Variants in POM121C observed in about 807,000 individuals in gnomAD.
The protein encoded by POM121C is nuclear envelope pore membrane protein POM 121C.
A neutral mutation model predicts 66.4 loss-of-function variants in POM121C; 20 were observed. That is an observed-to-expected ratio of 0.30 (90% CI 0.21 to 0.44). The LOEUF is 0.44. Among genes scored for constraint, POM121C ranks in the 20% least tolerant of loss-of-function variants. The probability of loss-of-function intolerance (pLI) is 1.00; values close to 1 mark genes in which losing one functional copy is unlikely to be tolerated. For synonymous variants in POM121C, 286 were observed against 528.0 expected, an observed-to-expected ratio of 0.54 and a Z score of 6.28; for missense variants, 580 against 1,225.7, an observed-to-expected ratio of 0.47 and a Z score of 7.87.
intron 3 of POM121C, among the ~76,000 whole-genome samples, chr7:75,464,338 C>T (rs1381686983): frequency 6.6e-6 from 1 of 152,262 alleles, no homozygotes; most frequent in African/African-American, 2.4e-5. Context: ...TGGCTCATGC[C>T]TGTAATTCCA....
rs1554480929 is a variant in POM121C at position 75,486,167 on chromosome 7, C to T, written c.-761G>A. ...CGCGCGAACCCTGGGCCGCACAGCTCCCGCCCGCCTAGGTGCTGGTCCGGG... is the reference window on the plus strand; with the variant it reads ...CGCGCGAACCCTGGGCCGCACAGCTTCCGCCCGCCTAGGTGCTGGTCCGGG... On this transcript the variant is annotated 5_prime_UTR_variant, in exon 1 of 15. Transcript: ENST00000615331. 4 of 317,328 alleles carry T rather than the reference C, an allele frequency of 1.3e-5. No individual in the cohort carries two copies. The highest frequency in any genetic ancestry group is 2.4e-5 in the African/African-American group (1 of 42,320). The allele number at this position is 317,328 out of a possible 1,614,324, so 19.7% of individuals were successfully genotyped here.
chr7:75,457,555 C>T (rs1380760296), intron 3 of POM121C, among the ~76,000 whole-genome samples: 10 of 145,946 alleles, frequency 6.9e-5, no homozygotes, highest in African/African-American at 7.6e-5. Flanking sequence ...GGAACAAAGA[C>T]CTGTTGACCC....
At chr7:75,448,282 A>G (rs1554475123) in intron 3 of POM121C, among the ~76,000 whole-genome samples, 1 of 152,132 alleles carries the variant, frequency 6.6e-6, no homozygotes, top group Non-Finnish European at 1.5e-5. Flanking sequence ...CAACAAACAC[A>G]GTAAGAAATG....
rs1251271400 is a variant in POM121C at position 75,419,394 on chromosome 7, C to A, written c.2792G>T (p.Gly931Val). ...FGQNTPAPGV[G>V]TSGSSLSFGA... ...AAAGGAGAGGCTGCTGCCCGATGTG[C>A]CCACTCCAGGCGCAGGGGTGTTCTG... Residue 931 changes from glycine (G) to valine (V), a missense_variant, in exon 14 of 15, where the codon GGC (glycine) becomes GTC (valine). Transcript: ENST00000615331. The A allele has an allele frequency of 1.9e-6, 3 of 1,613,668 alleles. No homozygotes were observed. In the African/African-American group the frequency reaches 4.0e-5, roughly 22 times the overall value.
In POM121C at chr7:75,421,600, G is replaced by T. The variant is rs1789710682; in HGVS notation, c.2652C>A (p.Gly884=). Reference sequence around the variant, plus strand: ...TGGTGCCCAGGGCGTTCTGACCTAAGCCCCCTGTGAAGGGGGTGGAGGTGG... The same window carrying T: ...TGGTGCCCAGGGCGTTCTGACCTAATCCCCCTGTGAAGGGGGTGGAGGTGG... ...STATSTPFTG[G]LGQNALGTTG... Residue 884 remains glycine (G), a synonymous_variant, in exon 13 of 15, where the codon GGC becomes GGA. Coordinates refer to ENST00000615331, the MANE Select transcript of POM121C (RefSeq NM_001099415.3). 1 of 1,613,376 alleles carries T rather than the reference G, an allele frequency of 6.2e-7. No individual in the cohort carries two copies.
intron 3 of POM121C, among the ~76,000 whole-genome samples, chr7:75,443,495 A>G (rs1790737179): frequency 6.6e-6 from 1 of 151,868 alleles, no homozygotes; most frequent in Admixed American, 6.6e-5. Context: ...TTCCTCAGAC[A>G]TTCATTCATT....
intron 14 of POM121C, 83 bp downstream of exon 14, chr7:75,419,237 G>A: frequency 1.3e-6 from 2 of 1,502,190 alleles, no homozygotes; most frequent in South Asian, 1.3e-5. Flanking sequence ...TCTTCACGGG[G>A]CCTCAGAGGG....
chr7:75,449,496 C>T (rs1426245811), intron 3 of POM121C, among the ~76,000 whole-genome samples: 1 of 151,978 alleles, frequency 6.6e-6, no homozygotes, highest in Non-Finnish European at 1.5e-5. Flanking sequence ...TCCCGAGTAG[C>T]TGAGACTATA....
chr7:75,477,108 T>TACACACACACACAC (rs782006486), intron 1 of POM121C, among the ~76,000 whole-genome samples: 444 of 37,120 alleles, frequency 0.012, no homozygotes, highest in Non-Finnish European at 0.017. Flanking sequence ...AGTTTGCGTG[T>TACACACACACACAC]ATACACACAC....
intron 1 of POM121C, among the ~76,000 whole-genome samples, chr7:75,476,774 T>G (rs1554479423): frequency 6.6e-6 from 1 of 151,740 alleles, no homozygotes; most frequent in Non-Finnish European, 1.5e-5. Flanking sequence ...CCAAACAAAA[T>G]CCAGTACCAG....
intron 14 of POM121C, 109 bp downstream of exon 14, chr7:75,419,211 C>T (rs1351321369): frequency 6.9e-7 from 1 of 1,456,196 alleles, no homozygotes; most frequent in African/African-American, 1.4e-5. Flanking sequence ...AAATGTCTTT[C>T]CTGTGCTGAA....
intron 3 of POM121C, among the ~76,000 whole-genome samples, chr7:75,450,310 G>A (rs1209220108): frequency 6.6e-6 from 1 of 151,790 alleles, no homozygotes; most frequent in African/African-American, 2.4e-5. Flanking sequence ...GGAAAGCTGG[G>A]GAGAATTCCT....
Position 75,418,661 on chromosome 7 carries a change from G to A in POM121C, c.*135C>T, listed in dbSNP as rs376495903. The A allele has an allele frequency of 0.091, 125,182 of 1,371,852 alleles. 5,880 individuals are homozygous for A. Among genetic ancestry groups the A allele is most frequent in the Non-Finnish European group, 0.1 (105,167 of 1,042,764 alleles). The allele number at this position is 1,371,852 out of a possible 1,614,324, so 85.0% of individuals were successfully genotyped here. ...GGGAAAGGGCCCCAGGGCTGCCACT[G>A]CCCCCTGGCGGCTGAAGCCAGAGAT... On this transcript the variant is annotated 3_prime_UTR_variant, in exon 15 of 15. Transcript: ENST00000615331.
At chr7:75,447,574 C>T (rs1261282135) in intron 3 of POM121C, among the ~76,000 whole-genome samples, 1 of 151,410 alleles carries the variant, frequency 6.6e-6, no homozygotes, top group Non-Finnish European at 1.5e-5. Flanking sequence ...GAATTTTATG[C>T]CCAATGAAAA....
chr7:75,448,756 C>T (rs1273370965), intron 3 of POM121C, among the ~76,000 whole-genome samples: 5 of 147,842 alleles, frequency 3.4e-5, no homozygotes, highest in African/African-American at 1.0e-4. Context: ...GCCGAGATGG[C>T]GCCACTGCAC....
intron 11 of POM121C, 32 bp downstream of exon 11, chr7:75,424,494 C>T (rs1554471409): frequency 4.4e-6 from 7 of 1,608,964 alleles, no homozygotes; most frequent in Non-Finnish European, 6.0e-6. Flanking sequence ...CACCTGAAAC[C>T]TCTCGAGAGT....
chr7:75,478,620 C>A (rs1164132708), intron 1 of POM121C, among the ~76,000 whole-genome samples: 1 of 151,502 alleles, frequency 6.6e-6, no homozygotes, highest in Middle Eastern at 3.2e-3. Context: ...ACAGATAGTA[C>A]AATATCTGAG....
At position 75,417,525 on chromosome 7, in the gene POM121C, G is replaced by C; in HGVS notation, c.*1271C>G. The C allele has an allele frequency of 1.0e-6, 1 of 985,600 alleles. No individual in the cohort carries two copies. Among genetic ancestry groups the C allele is most frequent in the Non-Finnish European group, 1.2e-6 (1 of 829,716 alleles). 61.1% of individuals were successfully genotyped at this position (985,600 alleles called of 1,614,324 possible). A position where few individuals can be genotyped will look rare whatever the true frequency, so the allele number is the denominator to read the frequency against. On this transcript the variant is annotated 3_prime_UTR_variant, in exon 15 of 15. Transcript: ENST00000615331. ...GGTTGGGCGTGACAGCAAGGCGCTT[G>C]GGCCTGGGGTATGTGGTTTCAGAAG... is the stretch of plus-strand genomic sequence containing the variant.
chr7:75,472,906 T>G (rs1563157916), intron 3 of POM121C, among the ~76,000 whole-genome samples: 1 of 152,056 alleles, frequency 6.6e-6, no homozygotes, highest in Non-Finnish European at 1.5e-5. Context: ...AAAATGCAGA[T>G]GAAGGAAAAG....
Sources: allele counts gnomAD v4.1 joint callset (sites outside exome capture counted in the v4.1 genomes callset), GRCh38; gene constraint gnomAD v4.1.1; transcripts MANE v1.5; gene names NCBI Gene and HGNC (gene_info 2026-07-23, HGNC 2026-07-21).